NDUFAF6: variants seen among roughly 807,000 people sequenced by gnomAD.
The protein encoded by NDUFAF6 is NADH:ubiquinone oxidoreductase complex assembly factor 6, also known as NADH dehydrogenase (ubiquinone) complex I, assembly factor 6.
Under a neutral mutation model 40.8 loss-of-function variants are expected in NDUFAF6, and 45 were observed. The observed-to-expected ratio is 1.10, with a 90% confidence interval of 0.87 to 1.42. NDUFAF6 has a LOEUF of 1.42. NDUFAF6 is among the 40% of genes most tolerant of loss of function. The probability of loss-of-function intolerance (pLI) is 0.00; values close to 1 mark genes in which losing one functional copy is unlikely to be tolerated. For missense variants in NDUFAF6, 435 were observed against 418.5 expected, an observed-to-expected ratio of 1.04 and a Z score of -0.34; for synonymous variants, 185 against 155.9, an observed-to-expected ratio of 1.19 and a Z score of -1.39.
upstream of NDUFAF6, among the ~76,000 whole-genome samples, chr8:95,023,919 A>G (rs1402703068): frequency 6.6e-6 from 1 of 151,056 alleles, no homozygotes; most frequent in South Asian, 2.1e-4. Flanking sequence ...TGAACCCGGG[A>G]GGCGGAGGTT....
intron 2 of NDUFAF6, among the ~76,000 whole-genome samples, chr8:95,012,368 C>T (rs1222214093): frequency 6.6e-6 from 1 of 152,166 alleles, no homozygotes; most frequent in Non-Finnish European, 1.5e-5. Flanking sequence ...CTAGTAAAGA[C>T]ACAGTCCCCT....
At chr8:94,933,765 A>G (rs1247274339) in intron 1 of NDUFAF6, among the ~76,000 whole-genome samples, 3 of 149,040 alleles carry the variant, frequency 2.0e-5, no homozygotes, top group African/African-American at 7.5e-5. Flanking sequence ...ACTCTCTCAA[A>G]AAAAACCCCC....
At chr8:94,899,931 T>C (rs1202677457) in intron 1 of NDUFAF6, among the ~76,000 whole-genome samples, 1 of 152,180 alleles carries the variant, frequency 6.6e-6, no homozygotes, top group African/African-American at 2.4e-5. Context: ...TCCCCCTACA[T>C]GGAGCTGTCC....
At chr8:94,938,629 A>G (rs1157295804) in intron 1 of NDUFAF6, among the ~76,000 whole-genome samples, 1 of 152,222 alleles carries the variant, frequency 6.6e-6, no homozygotes, top group Non-Finnish European at 1.5e-5. Flanking sequence ...AATTATGCCT[A>G]TGTACTGATG....
chr8:94,908,484 C>A (rs1586612332), intron 1 of NDUFAF6, among the ~76,000 whole-genome samples: 1 of 152,308 alleles, frequency 6.6e-6, no homozygotes, highest in East Asian at 1.9e-4. Flanking sequence ...ATCCTCCCAT[C>A]TCAGCCTCCC....
At chr8:94,965,885 A>G (rs912128209) in intron 1 of NDUFAF6, among the ~76,000 whole-genome samples, 1 of 152,192 alleles carries the variant, frequency 6.6e-6, no homozygotes, top group Non-Finnish European at 1.5e-5. Flanking sequence ...ATTTTTTGTC[A>G]TAAAAACCCT....
chr8:95,059,668 G>T (rs977156583), downstream of NDUFAF6, among the ~76,000 whole-genome samples: 1 of 152,130 alleles, frequency 6.6e-6, no homozygotes, highest in Non-Finnish European at 1.5e-5. Flanking sequence ...GGCCAACATG[G>T]TGAAACCCCA....
rs192831510 is a variant in NDUFAF6, at chr8:95,112,411, G to A, written n.345-3125G>A. Reference sequence around the variant, plus strand: ...GATTTAAGATGCAGAGACACACGGGGGAGACTGGAGCTCCACTGACACAAG... The same window carrying A: ...GATTTAAGATGCAGAGACACACGGGAGAGACTGGAGCTCCACTGACACAAG... On this transcript the variant is annotated intron_variant and non_coding_transcript_variant, in intron 4 of 5. Transcript: ENST00000523184. Among the ~76,000 whole-genome samples the A allele has an allele frequency of 1.4e-4, 21 of 152,246 alleles. No individual in the cohort carries two copies. The East Asian group carries it at 4.1e-3, about 29-fold the overall frequency.
chr8:94,922,199 A>G (rs964247568), intron 1 of NDUFAF6, among the ~76,000 whole-genome samples: 3 of 151,892 alleles, frequency 2.0e-5, no homozygotes, highest in African/African-American at 7.3e-5. Flanking sequence ...TAAAGTAGAG[A>G]CGAGGTTTCA....
chr8:95,071,276 T>C (rs1337720882), intron 9 of NDUFAF6, among the ~76,000 whole-genome samples: 5 of 151,162 alleles, frequency 3.3e-5, no homozygotes, highest in Admixed American at 1.3e-4. Context: ...CGGGCGCCTG[T>C]AGTCCCAGCT....
intron 2 of NDUFAF6, among the ~76,000 whole-genome samples, chr8:94,985,416 C>T (rs1314912357): frequency 7.6e-6 from 1 of 132,138 alleles, no homozygotes; most frequent in Non-Finnish European, 1.5e-5. Context: ...TTTTGATTTG[C>T]ACAACCCCTG....
At chr8:95,097,316 C>T (rs1226822152), upstream of NDUFAF6, among the ~76,000 whole-genome samples, 1 of 152,206 alleles carries the variant, frequency 6.6e-6, no homozygotes. Context: ...AGCAAAAGTA[C>T]ACCCCTTATT....
intron 1 of NDUFAF6, among the ~76,000 whole-genome samples, chr8:94,938,933 T>A (rs1171724973): frequency 6.6e-6 from 1 of 152,190 alleles, no homozygotes. Context: ...GGCAGTCTTT[T>A]GGGACTAAGC....
intron 1 of NDUFAF6, among the ~76,000 whole-genome samples, chr8:94,938,250 G>A (rs865803187): frequency 6.6e-5 from 10 of 152,200 alleles, no homozygotes; most frequent in African/African-American, 1.9e-4. Flanking sequence ...CATACAGTAC[G>A]ATGATGGATG....
chr8:94,986,177 T>A (rs192385328), intron 2 of NDUFAF6, among the ~76,000 whole-genome samples: 1 of 152,282 alleles, frequency 6.6e-6, no homozygotes, highest in Non-Finnish European at 1.5e-5. Context: ...CTGGCACAAT[T>A]TTCTATTTTT....
At chr8:95,007,905 G>A (rs1335966481) in intron 2 of NDUFAF6, among the ~76,000 whole-genome samples, 1 of 151,794 alleles carries the variant, frequency 6.6e-6, no homozygotes, top group African/African-American at 2.4e-5. Context: ...TTGAATTTTT[G>A]TAGAGACGGG....
At chr8:94,971,018 G>A (rs940077146) in intron 1 of NDUFAF6, among the ~76,000 whole-genome samples, 1 of 152,234 alleles carries the variant, frequency 6.6e-6, no homozygotes, top group African/African-American at 2.4e-5. Flanking sequence ...AGTCCTGGGA[G>A]TATAAAGATA....
chr8:94,950,905 AATC>A (rs968106013), intron 2 of NDUFAF6: 5 of 152,336 alleles, frequency 3.3e-5, no homozygotes, highest in Middle Eastern at 3.4e-3. Context: ...CAACATGTGA[AATC>A]ATCATCTTGT....
chr8:94,985,785 T>A (rs1414325275), intron 2 of NDUFAF6, among the ~76,000 whole-genome samples: 2 of 151,146 alleles, frequency 1.3e-5, no homozygotes, highest in Non-Finnish European at 3.0e-5. Flanking sequence ...TTGCCCGCCT[T>A]GGCGTCCCAA....
Sources: allele counts gnomAD v4.1 joint callset (sites outside exome capture counted in the v4.1 genomes callset), GRCh38; gene constraint gnomAD v4.1.1; transcripts MANE v1.5; gene names NCBI Gene and HGNC (gene_info 2026-07-23, HGNC 2026-07-21).